KIAA0040: variants seen among roughly 807,000 people sequenced by gnomAD.
KIAA0040 encodes the protein KIAA0040, also known as uncharacterized protein KIAA0040.
KIAA0040 carries 10 observed loss-of-function variants against 7.2 expected under a neutral mutation model. The observed-to-expected ratio is 1.38, with a 90% CI of 0.85 to 2.34. The LOEUF is 2.34. Among genes scored for constraint, KIAA0040 ranks in the 30% most tolerant of loss-of-function variants. KIAA0040 has a pLI of 0.00. For missense variants in KIAA0040, 89 were observed against 108.2 expected (o/e 0.82, Z 0.79); for synonymous variants, 49 against 40.1 (o/e 1.22, Z -0.84).
At chr1:175,162,698 T>G (rs1309745901) in intron 3 of KIAA0040, among the ~76,000 whole-genome samples, 1 of 152,160 alleles carries the variant, frequency 6.6e-6, no homozygotes, top group African/African-American at 2.4e-5. Flanking sequence ...AGAAGTCTAA[T>G]TCCTTGGATA....
Position 175,159,759 on chromosome 1 carries a change from T to A in KIAA0040, c.*955A>T, listed in dbSNP as rs892800433. 7.9e-5 allele frequency: 12 copies of A among 152,182 alleles called. No homozygotes were observed. Among genetic ancestry groups the A allele is most frequent in the African/African-American group, 2.7e-4 (11 of 41,420 alleles). The allele number at this position is 152,182 out of a possible 1,614,324, so 9.4% of individuals were successfully genotyped here. ...TTTCCATCTGTAAACATTGCACAGG[T>A]ACACAGTTGCAGTCCACTGACATAA... On this transcript the variant is annotated 3_prime_UTR_variant, in exon 4 of 4. Transcript: ENST00000423313.
chr1:175,161,197 A>G (rs1028909813), intron 3 of KIAA0040, 51 bp from the exon 4 acceptor site: 1 of 546,404 alleles, frequency 1.8e-6, no homozygotes. Context: ...GGACTGGTCT[A>G]CAATTTTAAT....
At position 175,169,692 on chromosome 1, in the gene KIAA0040, T is replaced by C. The variant is rs142067912; in HGVS notation, c.-309-2955A>G. ...CCTGTGGTAGACTAAATTAGTTCATTCATCATTCTCTTTCAAAGCGACCAT... is the reference window on the plus strand; with the variant it reads ...CCTGTGGTAGACTAAATTAGTTCATCCATCATTCTCTTTCAAAGCGACCAT... On this transcript the variant is annotated intron_variant, in intron 2 of 3. Coordinates refer to ENST00000423313, the MANE Select transcript of KIAA0040 (RefSeq NM_014656.3). 8.6e-3 allele frequency among the ~76,000 whole-genome samples: 1,315 copies of C among 152,260 alleles called. 26 individuals are homozygous for C. The highest frequency in any genetic ancestry group is 0.03 in the African/African-American group (1,261 of 41,526).
intron 2 of KIAA0040, among the ~76,000 whole-genome samples, chr1:175,175,190 C>A (rs1285918661): frequency 6.6e-6 from 1 of 152,192 alleles, no homozygotes; most frequent in Non-Finnish European, 1.5e-5. Flanking sequence ...TGAGAACGAC[C>A]AAACACTTGT....
At chr1:175,165,167 G>T (rs964791818) in intron 3 of KIAA0040, among the ~76,000 whole-genome samples, 6 of 152,022 alleles carry the variant, frequency 3.9e-5, no homozygotes, top group Non-Finnish European at 8.8e-5. Context: ...CACTCTTTCT[G>T]TCGCAAACTT....
chr1:175,187,430 A>G (rs549456945), intron 1 of KIAA0040, among the ~76,000 whole-genome samples: 2 of 152,190 alleles, frequency 1.3e-5, no homozygotes, highest in African/African-American at 4.8e-5. Context: ...GCTTTGGTAC[A>G]TGATAATCAC....
At chr1:175,192,099 C>T (rs1677887655) in intron 1 of KIAA0040, among the ~76,000 whole-genome samples, 1 of 152,198 alleles carries the variant, frequency 6.6e-6, no homozygotes, top group African/African-American at 2.4e-5. Context: ...GGTGGGACCA[C>T]TGAGAGTCAA....
chr1:175,164,570 A>G (rs993621764), intron 3 of KIAA0040, among the ~76,000 whole-genome samples: 1 of 151,982 alleles, frequency 6.6e-6, no homozygotes, highest in Admixed American at 6.6e-5. Context: ...TTGAATAAAT[A>G]GATTTCTTTT....
At chr1:175,184,891 G>A (rs1424712918) in intron 1 of KIAA0040, among the ~76,000 whole-genome samples, 1 of 152,166 alleles carries the variant, frequency 6.6e-6, no homozygotes, top group Admixed American at 6.5e-5. Flanking sequence ...TGACCTATCT[G>A]TCTGCCAAAA....
intron 1 of KIAA0040, among the ~76,000 whole-genome samples, chr1:175,179,826 T>TG (rs923225501): frequency 6.6e-6 from 1 of 152,214 alleles, no homozygotes; most frequent in African/African-American, 2.4e-5. Flanking sequence ...TGTTCCAAAT[T>TG]TGTTCAAAAT....
intron 1 of KIAA0040, among the ~76,000 whole-genome samples, chr1:175,178,070 A>C (rs146765648): frequency 2.4e-4 from 37 of 152,352 alleles, no homozygotes; most frequent in African/African-American, 8.7e-4. Context: ...TCCTGCCTCC[A>C]ACCCAGAATG....
chr1:175,178,704 C>T (rs932579976), intron 1 of KIAA0040, among the ~76,000 whole-genome samples: 4 of 152,208 alleles, frequency 2.6e-5, no homozygotes, highest in African/African-American at 9.6e-5. Flanking sequence ...AGTCACAGAG[C>T]TTCATGAGCC....
chr1:175,174,699 GC>G (rs926598209), intron 2 of KIAA0040, among the ~76,000 whole-genome samples: 2 of 152,004 alleles, frequency 1.3e-5, no homozygotes, highest in African/African-American at 2.4e-5. Flanking sequence ...CCTATCCCCC[GC>G]CTTTCCCCTA....
At chr1:175,190,801 C>T (rs1166156842) in intron 1 of KIAA0040, among the ~76,000 whole-genome samples, 12 of 152,222 alleles carry the variant, frequency 7.9e-5, no homozygotes, top group Non-Finnish European at 1.5e-5. Context: ...CCGGATCCTT[C>T]CTCTGCTTAA....
intron 2 of KIAA0040, among the ~76,000 whole-genome samples, chr1:175,176,669 C>CTTTTGTTTTTT (rs1677204329): frequency 3.6e-5 from 1 of 27,438 alleles, no homozygotes; most frequent in South Asian, 3.6e-3. Flanking sequence ...AAGTAGCATG[C>CTTTTGTTTTTT]TTTTTTTTTT....
At position 175,181,640 on chromosome 1, in the gene KIAA0040, C is replaced by T. The variant is rs764291572; in HGVS notation, c.-383-3956G>A. Reference sequence around the variant, plus strand: ...TGTTGGGGAACTGGACAAGCACAGGCGAAGTACCATAAGGCATGATTAGTT... The same window carrying T: ...TGTTGGGGAACTGGACAAGCACAGGTGAAGTACCATAAGGCATGATTAGTT... On this transcript the variant is annotated intron_variant, in intron 1 of 3. Coordinates refer to ENST00000423313, the MANE Select transcript of KIAA0040 (RefSeq NM_014656.3). Among the ~76,000 whole-genome samples the T allele has an allele frequency of 6.4e-4, 98 of 152,190 alleles. 1 individual carries two copies. The highest frequency in any genetic ancestry group is 2.8e-3 in the Admixed American group (43 of 15,290).
chr1:175,191,659 C>T (rs1298906166), intron 1 of KIAA0040, among the ~76,000 whole-genome samples: 1 of 152,234 alleles, frequency 6.6e-6, no homozygotes, highest in Admixed American at 6.5e-5. Context: ...TGTTTAAGTC[C>T]TGCTCTTTGT....
rs113657669 is a variant in KIAA0040, at chr1:175,172,077, T to G, written c.-309-5340A>C. 2.6e-3 allele frequency among the ~76,000 whole-genome samples: 393 copies of G among 152,338 alleles called. 4 individuals are homozygous for G. The highest frequency in any genetic ancestry group is 9.1e-3 in the African/African-American group (380 of 41,586). ...GAATCTCCAGTTCCTTTATTCTTCT[T>G]TACTCTTTTCCCTTTCTTCTTTCCT... On this transcript the variant is annotated intron_variant, in intron 2 of 3. Transcript: ENST00000423313.
Position 175,157,606 on chromosome 1 carries a change from C to G in KIAA0040, c.*3108G>C, listed in dbSNP as rs1676335964. 6.6e-6 allele frequency: 1 copy of G among 152,090 alleles called. No homozygotes were observed. The highest frequency in any genetic ancestry group is 2.4e-5 in the African/African-American group (1 of 41,414). The allele number at this position is 152,090 out of a possible 1,614,324, so 9.4% of individuals were successfully genotyped here. The stretch of plus-strand genomic sequence containing the variant: ...TGTTTGAATTTTACAGAAAAAAATA[C>G]TGACAAATACTATACAGCTTGGACC... On this transcript the variant is annotated 3_prime_UTR_variant, in exon 4 of 4. Coordinates refer to ENST00000423313, the MANE Select transcript of KIAA0040 (RefSeq NM_014656.3).
Sources: allele counts gnomAD v4.1 joint callset (sites outside exome capture counted in the v4.1 genomes callset), GRCh38; gene constraint gnomAD v4.1.1; transcripts MANE v1.5; gene names NCBI Gene and HGNC (gene_info 2026-07-23, HGNC 2026-07-21).